PTPRT: variants seen among roughly 807,000 people sequenced by gnomAD.
The protein encoded by PTPRT is protein tyrosine phosphatase receptor type T, also known as receptor-type tyrosine-protein phosphatase T.
Under a neutral mutation model 176.8 loss-of-function variants are expected in PTPRT, and 56 were observed. The ratio of observed to expected loss-of-function variants is 0.32; its 90% CI spans 0.26 to 0.40. The LOEUF is 0.40. PTPRT is among the 10% of genes least tolerant of loss of function. PTPRT has a pLI of 1.00. For synonymous variants in PTPRT, 783 were observed against 739.0 expected, an observed-to-expected ratio of 1.06 and a Z score of -0.96; for missense variants, 1,540 against 1,908.2, an observed-to-expected ratio of 0.81 and a Z score of 3.60.
chr20:42,313,243 T>G (rs775445687), intron 12 of PTPRT, among the ~76,000 whole-genome samples: 3 of 152,142 alleles, frequency 2.0e-5, no homozygotes, highest in Non-Finnish European at 4.4e-5. Context: ...GTTTAGCATA[T>G]CAAGGAATAG....
At position 42,073,269 on chromosome 20, in the gene PTPRT, G is replaced by T. The variant is rs527426762; in HGVS notation, c.*7610C>A. The T allele has an allele frequency of 5.3e-6, 1 of 189,500 alleles. No individual in the cohort carries two copies. The highest frequency in any genetic ancestry group is 1.1e-5 in the Non-Finnish European group (1 of 89,820). The allele number at this position is 189,500 out of a possible 1,614,324, so 11.7% of individuals were successfully genotyped here. On this transcript the variant is annotated 3_prime_UTR_variant, in exon 31 of 31. Coordinates refer to ENST00000373187, the MANE Select transcript of PTPRT (RefSeq NM_007050.6). Reference sequence around the variant, plus strand: ...GGCCACAACTCTTTGTCTTTGATTGGCTAGTAGAATGTAGGGTGAAAAGTG... The same window carrying T: ...GGCCACAACTCTTTGTCTTTGATTGTCTAGTAGAATGTAGGGTGAAAAGTG...
chr20:42,433,655 GA>G (rs1255587791), intron 9 of PTPRT, among the ~76,000 whole-genome samples: 1 of 152,152 alleles, frequency 6.6e-6, no homozygotes, highest in Non-Finnish European at 1.5e-5. Flanking sequence ...TTAAAACAAG[GA>G]GGAAAACAGG....
chr20:42,800,054 A>T (rs1330834202), intron 2 of PTPRT, among the ~76,000 whole-genome samples: 1 of 152,234 alleles, frequency 6.6e-6, no homozygotes, highest in South Asian at 2.1e-4. Flanking sequence ...CCTCTTCTTA[A>T]CAATAACAAC....
intron 11 of PTPRT, among the ~76,000 whole-genome samples, chr20:42,343,509 G>A (rs2058142593): frequency 6.6e-6 from 1 of 152,200 alleles, no homozygotes; most frequent in African/African-American, 2.4e-5. Context: ...TCTGAACAAT[G>A]TAACTGTCTC....
chr20:42,511,295 G>C (rs1432453973), intron 7 of PTPRT, among the ~76,000 whole-genome samples: 1 of 152,110 alleles, frequency 6.6e-6, no homozygotes, highest in African/African-American at 2.4e-5. Flanking sequence ...TAATTAACCT[G>C]TTCTGCAAAT....
intron 11 of PTPRT, among the ~76,000 whole-genome samples, chr20:42,322,674 C>T (rs990394830): frequency 1.3e-5 from 2 of 151,800 alleles, no homozygotes; most frequent in Non-Finnish European, 2.9e-5. Flanking sequence ...AAAACCTAGG[C>T]ATTACCATTC....
chr20:42,986,369 C>A (rs922727384), intron 1 of PTPRT, among the ~76,000 whole-genome samples: 1 of 152,202 alleles, frequency 6.6e-6, no homozygotes, highest in Non-Finnish European at 1.5e-5. Flanking sequence ...GCAGCCTCCA[C>A]CTGTCCATTT....
At chr20:42,907,016 C>T (rs1242249283) in intron 1 of PTPRT, among the ~76,000 whole-genome samples, 2 of 152,114 alleles carry the variant, frequency 1.3e-5, no homozygotes, top group Non-Finnish European at 2.9e-5. Flanking sequence ...CTGGTTTAGG[C>T]ACCGGGAGTC....
At chr20:42,778,736 G>A (rs2077172878) in intron 4 of PTPRT, among the ~76,000 whole-genome samples, 1 of 152,108 alleles carries the variant, frequency 6.6e-6, no homozygotes, top group Admixed American at 6.5e-5. Flanking sequence ...TCCAGGGTGG[G>A]GAATATTTCA....
At chr20:43,059,249 T>C (rs1347541791) in intron 1 of PTPRT, among the ~76,000 whole-genome samples, 1 of 152,212 alleles carries the variant, frequency 6.6e-6, no homozygotes, top group Admixed American at 6.5e-5. Context: ...TCAATATGTA[T>C]AGGCTGAGAA....
intron 1 of PTPRT, among the ~76,000 whole-genome samples, chr20:43,040,774 G>A (rs1206867028): frequency 1.3e-5 from 2 of 152,170 alleles, no homozygotes; most frequent in Non-Finnish European, 2.9e-5. Context: ...TGTCTGGGTA[G>A]CCATGGCTGA....
At chr20:42,107,027 T>G in intron 23 of PTPRT, 106 bp from the exon 24 acceptor site, 2 of 1,394,156 alleles carry the variant, frequency 1.4e-6, no homozygotes, top group Non-Finnish European at 1.9e-6. Context: ...TGGGAGGCTC[T>G]AGATTATGTG....
At chr20:42,101,586 C>A (rs1985939330) in intron 26 of PTPRT, among the ~76,000 whole-genome samples, 2 of 152,162 alleles carry the variant, frequency 1.3e-5, no homozygotes, top group Non-Finnish European at 2.9e-5. Flanking sequence ...AGGAACACAG[C>A]CCGCTTCCAC....
At chr20:42,315,184 CAAAAAA>C (rs71193656) in intron 12 of PTPRT, among the ~76,000 whole-genome samples, 61 of 63,378 alleles carry the variant, frequency 9.6e-4, no homozygotes, top group African/African-American at 4.1e-3. Flanking sequence ...GGCTCCGTCT[CAAAAAA>C]AAAAAAAAAA....
chr20:42,340,689 C>T (rs1386353370), intron 11 of PTPRT, among the ~76,000 whole-genome samples: 6 of 152,156 alleles, frequency 3.9e-5, no homozygotes, highest in Non-Finnish European at 7.4e-5. Context: ...TATAGAAATG[C>T]ACTTGATGGA....
intron 1 of PTPRT, among the ~76,000 whole-genome samples, chr20:42,899,168 C>T (rs747107741): frequency 1.3e-5 from 2 of 152,250 alleles, no homozygotes; most frequent in African/African-American, 2.4e-5. Flanking sequence ...GCCAGAATAG[C>T]ATCTTTCATC....
chr20:42,713,111 A>G (rs1234440199), intron 6 of PTPRT, among the ~76,000 whole-genome samples: 1 of 152,000 alleles, frequency 6.6e-6, no homozygotes, highest in Non-Finnish European at 1.5e-5. Flanking sequence ...CACATGAAAT[A>G]CCTTTGGAAA....
At chr20:42,278,216 G>A (rs940480710) in intron 13 of PTPRT, among the ~76,000 whole-genome samples, 13 of 147,256 alleles carry the variant, frequency 8.8e-5, no homozygotes, top group African/African-American at 3.3e-4. Context: ...TTAAAACAGA[G>A]GTCAGGATGG....
chr20:43,046,327 T>C (rs942744777), intron 1 of PTPRT, among the ~76,000 whole-genome samples: 3 of 151,876 alleles, frequency 2.0e-5, no homozygotes, highest in Non-Finnish European at 2.9e-5. Context: ...ATCCCAGCAC[T>C]TTGGGAGGCT....
Sources: allele counts gnomAD v4.1 joint callset (sites outside exome capture counted in the v4.1 genomes callset), GRCh38; gene constraint gnomAD v4.1.1; transcripts MANE v1.5; gene names NCBI Gene and HGNC (gene_info 2026-07-23, HGNC 2026-07-21).